Variants in TBC1D2B observed in about 807,000 individuals in gnomAD.
TBC1D2B encodes the protein TBC1 domain family member 2B.
Under a neutral mutation model 100.8 loss-of-function variants are expected in TBC1D2B, and 64 were observed. The observed-to-expected ratio is 0.64, with a 90% CI of 0.52 to 0.78. The LOEUF is 0.78. Among genes scored for constraint, TBC1D2B ranks in the 30% least tolerant of loss-of-function variants. The pLI, the probability that TBC1D2B is intolerant of heterozygous loss-of-function variation, is 0.00. For synonymous variants in TBC1D2B, 480 were observed against 479.7 expected (o/e 1.00, Z -0.01); for missense variants, 1,052 against 1,218.4 (o/e 0.86, Z 2.03).
At chr15:78,004,740 C>A (rs1178567957) in intron 10 of TBC1D2B, among the ~76,000 whole-genome samples, 3 of 152,224 alleles carry the variant, frequency 2.0e-5, no homozygotes, top group Non-Finnish European at 4.4e-5. Flanking sequence ...AAACCAATTT[C>A]TCTATCCATA....
chr15:78,026,114 AAAAG>A (rs887019359), intron 4 of TBC1D2B, among the ~76,000 whole-genome samples: 2 of 151,812 alleles, frequency 1.3e-5, no homozygotes, highest in African/African-American at 4.8e-5. Context: ...TCCTTAGCAA[AAAAG>A]CAAAAACACT....
chr15:78,003,358 C>A lies in TBC1D2B; in HGVS notation c.2521G>T (p.Val841Phe). The change falls in exon 11 of 13, where the codon GTT becomes TTT. Residue 841 changes from valine to phenylalanine, a missense_variant. Val to Phe is a conservative substitution (Grantham distance 50). This residue lies in a region of TBC1D2B where 373 missense variants were observed against 464.9 expected (regional missense o/e 0.80). Coordinates refer to ENST00000300584, the MANE Select transcript of TBC1D2B (RefSeq NM_144572.2). ...CATATTTTAAAGAGGATGTCACTAA[C>A]GACACTATCCACAAATACCACCAGA... Reference protein sequence around the residue: ...WFLVVFVDSVVSDILFKIWDS... With the variant: ...WFLVVFVDSVFSDILFKIWDS... 6.2e-7 allele frequency: 1 copy of A among 1,613,900 alleles called. No homozygotes were observed. Among genetic ancestry groups the A allele is most frequent in the Non-Finnish European group, 8.5e-7 (1 of 1,179,866 alleles).
At chr15:78,005,397 C>T (rs1170280557) in intron 10 of TBC1D2B, among the ~76,000 whole-genome samples, 1 of 152,170 alleles carries the variant, frequency 6.6e-6, no homozygotes, top group Non-Finnish European at 1.5e-5. Context: ...GCACGGGGCT[C>T]GGGCACTTGG....
In TBC1D2B at chr15:78,012,842, A is replaced by G. The variant is rs753849181; in HGVS notation, c.2251T>C (p.Tyr751His). The change falls in exon 9 of 13, where the codon TAC becomes CAC. Residue 751 changes from tyrosine to histidine, a missense_variant. Physicochemically the swap from Tyr to His is moderately conservative, Grantham distance 83. This residue lies in a region of TBC1D2B where 373 missense variants were observed against 464.9 expected (regional missense o/e 0.80). Coordinates refer to ENST00000300584, the MANE Select transcript of TBC1D2B (RefSeq NM_144572.2). ...AFSWRNPDIG[Y>H]CQGLNRLVAV... ...ACCCACCTGTTTAGGCCTTGACAGT[A>G]GCCGATATCTGGATTCCGCCAGGAG... 6.6e-7 allele frequency: 1 copy of G among 1,513,530 alleles called. No homozygotes were observed. The highest frequency in any genetic ancestry group is 2.3e-5 in the East Asian group (1 of 43,958). The allele number at this position is 1,513,530 out of a possible 1,614,324, so 93.8% of individuals were successfully genotyped here.
At chr15:78,048,993 C>T (rs1373003778) in intron 2 of TBC1D2B, among the ~76,000 whole-genome samples, 1 of 152,208 alleles carries the variant, frequency 6.6e-6, no homozygotes, top group Non-Finnish European at 1.5e-5. Flanking sequence ...ACACAGCAAA[C>T]GAAAGTCTGG....
At chr15:78,016,327 TAGGTCTTGCAATC>T (rs200494228) in intron 8 of TBC1D2B, among the ~76,000 whole-genome samples, 6,247 of 152,110 alleles carry the variant, frequency 0.041, 249 homozygotes, top group South Asian at 0.22. Context: ...ACACGAAAAA[TAGGTCTTGCAATC>T]AGAAGACCTG....
chr15:78,023,324 GC>G, intron 6 of TBC1D2B, among the ~76,000 whole-genome samples: 1 of 152,194 alleles, frequency 6.6e-6, no homozygotes, highest in Non-Finnish European at 1.5e-5. Flanking sequence ...TATACTTGAT[GC>G]CCCATGTCCT....
At chr15:78,053,213 G>A (rs767494552) in intron 2 of TBC1D2B, among the ~76,000 whole-genome samples, 7 of 152,170 alleles carry the variant, frequency 4.6e-5, no homozygotes, top group Non-Finnish European at 8.8e-5. Flanking sequence ...AGGGTCCCAC[G>A]GGTTTTAGGA....
At position 78,030,097 on chromosome 15, in the gene TBC1D2B, C is replaced by T; in HGVS notation, c.757G>A (p.Glu253Lys). The T allele has an allele frequency of 6.2e-7, 1 of 1,613,904 alleles. No individual in the cohort carries two copies. The highest frequency in any genetic ancestry group is 2.2e-5 in the East Asian group (1 of 44,870). Residue 253 changes from glutamate (E) to lysine (K), a missense_variant, in exon 4 of 13, where the codon GAG (glutamate) becomes AAG (lysine). By Grantham distance (56) the Glu-to-Lys change is moderately conservative. This residue lies in a region of TBC1D2B where 627 missense variants were observed against 646.1 expected (regional missense o/e 0.97). Coordinates refer to ENST00000300584, the MANE Select transcript of TBC1D2B (RefSeq NM_144572.2). ...GGGGTTGGGTCTAAAAGTTCCCACT[C>T]TTCATTGGTATAAAACACAGTCCTC... ...SRRTVFYTNE[E>K]WELLDPTPKD...
intron 3 of TBC1D2B, among the ~76,000 whole-genome samples, chr15:78,032,910 A>G (rs2072853433): frequency 6.6e-6 from 1 of 152,248 alleles, no homozygotes; most frequent in Admixed American, 6.5e-5. Context: ...GAAGGGGACG[A>G]GAAGGGGAAG....
At chr15:78,065,897 TG>T (rs1243495463) in intron 1 of TBC1D2B, 8 of 398,898 alleles carry the variant, frequency 2.0e-5, no homozygotes, top group Middle Eastern at 3.6e-4. Flanking sequence ...CAGGAATGTT[TG>T]GGAACCACGG....
chr15:78,005,828 G>T (rs1217195007), intron 10 of TBC1D2B, among the ~76,000 whole-genome samples: 1 of 152,056 alleles, frequency 6.6e-6, no homozygotes, highest in Non-Finnish European at 1.5e-5. Flanking sequence ...TATAGTCAGG[G>T]GGGAAAAAGT....
intron 1 of TBC1D2B, among the ~76,000 whole-genome samples, chr15:78,071,806 T>A (rs2073746414): frequency 6.6e-6 from 1 of 152,206 alleles, no homozygotes; most frequent in Non-Finnish European, 1.5e-5. Context: ...GCACCTTACC[T>A]TAGTCGGTTC....
At chr15:78,068,724 T>C (rs2073700558) in intron 1 of TBC1D2B, among the ~76,000 whole-genome samples, 1 of 152,218 alleles carries the variant, frequency 6.6e-6, no homozygotes, top group Non-Finnish European at 1.5e-5. Context: ...CTCACATATC[T>C]GAATGCCAAG....
chr15:78,004,636 A>G (rs1360033007), intron 10 of TBC1D2B, among the ~76,000 whole-genome samples: 1 of 152,260 alleles, frequency 6.6e-6, no homozygotes, highest in African/African-American at 2.4e-5. Flanking sequence ...AATCTCACAC[A>G]GTGGACTACA....
chr15:78,000,328 C>G (rs142053840), intron 12 of TBC1D2B, among the ~76,000 whole-genome samples: 28 of 152,228 alleles, frequency 1.8e-4, no homozygotes, highest in Non-Finnish European at 3.5e-4. Context: ...CACTCACCTC[C>G]GCTCCTCCTG....
At position 78,025,470 on chromosome 15, in the gene TBC1D2B, T is replaced by C; in HGVS notation, c.875A>G (p.Asp292Gly). Residue 292 changes from aspartate (D) to glycine (G), a missense_variant, in exon 5 of 13, where the codon GAT (aspartate) becomes GGT (glycine). Physicochemically the swap from Asp to Gly is moderately conservative, Grantham distance 94 (BLOSUM62 -1). Coordinates refer to ENST00000300584, the MANE Select transcript of TBC1D2B (RefSeq NM_144572.2). ...KGVTGSGFPF[D>G]FGRNPYKGKR... ...TCCTTTGTAGGGGTTACGTCCAAAATCAAAGGGGAATCCTGAGCCAGTTAC... is the reference window on the plus strand; with the variant it reads ...TCCTTTGTAGGGGTTACGTCCAAAACCAAAGGGGAATCCTGAGCCAGTTAC... 1 of 1,613,434 alleles carries C rather than the reference T, an allele frequency of 6.2e-7. No homozygotes were observed. Among genetic ancestry groups the C allele is most frequent in the Non-Finnish European group, 8.5e-7 (1 of 1,179,722 alleles).
rs988645314 is a variant in TBC1D2B at position 78,030,186 on chromosome 15, A to G, written c.684-16T>C. 8.1e-6 allele frequency: 13 copies of G among 1,602,072 alleles called. No individual in the cohort carries two copies. The highest frequency in any genetic ancestry group is 2.7e-5 in the African/African-American group (2 of 74,300). ...CATCGAATTCCTGTTGGGAAAAACAATATGTGTTATTAACAAAAACAAAAG... is the reference window on the plus strand; with the variant it reads ...CATCGAATTCCTGTTGGGAAAAACAGTATGTGTTATTAACAAAAACAAAAG... On this transcript the variant is annotated splice_polypyrimidine_tract_variant and intron_variant, in intron 3 of 12. Transcript: ENST00000300584.
chr15:78,032,509 A>G (rs1309084547), intron 3 of TBC1D2B, among the ~76,000 whole-genome samples: 2 of 152,148 alleles, frequency 1.3e-5, no homozygotes, highest in East Asian at 3.9e-4. Flanking sequence ...CGAAGTGGGA[A>G]GTACAAGTCA....
Sources: gnomAD v4.1 joint callset for allele counts (sites outside exome capture counted in the v4.1 genomes callset) on GRCh38, gnomAD v4.1.1 for gene constraint, gnomAD v4.1.1 regional missense constraint, MANE v1.5 for transcripts, NCBI Gene and HGNC (gene_info 2026-07-23, HGNC 2026-07-21) for gene names.